C2orf49: variants seen among roughly 807,000 people sequenced by gnomAD.
C2orf49 encodes tRNA splicing ligase complex subunit 2.
Under a neutral mutation model 20.6 loss-of-function variants are expected in C2orf49, and 11 were observed. The ratio of observed to expected loss-of-function variants is 0.53; its 90% CI spans 0.34 to 0.88. C2orf49 has a LOEUF of 0.88. Ranked by LOEUF, C2orf49 falls within the 40% of genes least tolerant of loss-of-function variation. The pLI is 0.02. For missense variants in C2orf49, 289 were observed against 274.2 expected (o/e 1.05, Z -0.38); for synonymous variants, 134 against 108.5 (o/e 1.24, Z -1.46).
At chr2:105,362,568 G>A in the C2orf49 span, among the ~76,000 whole-genome samples, 2 of 152,174 alleles carry the variant, frequency 1.3e-5, no homozygotes, top group African/African-American at 2.4e-5. Flanking sequence ...TGAATGCAAC[G>A]GGATTGCAAA....
the C2orf49 span, among the ~76,000 whole-genome samples, chr2:105,383,695 C>T: frequency 7.4e-4 from 113 of 152,296 alleles, no homozygotes; most frequent in East Asian, 0.019. Flanking sequence ...TCAGGTATCT[C>T]CCCGCCTGCC....
chr2:105,364,416 CTTGGAAGTT>C, the C2orf49 span, among the ~76,000 whole-genome samples: 59 of 152,298 alleles, frequency 3.9e-4, 1 homozygote, highest in African/African-American at 1.3e-3. Flanking sequence ...AGATGGGCAT[CTTGGAAGTT>C]TTGGGAAAAA....
chr2:105,365,149 C>G, the C2orf49 span, among the ~76,000 whole-genome samples: 6 of 152,186 alleles, frequency 3.9e-5, no homozygotes, highest in Non-Finnish European at 8.8e-5. Context: ...GACTCCTTCC[C>G]TCAACACCAC....
At chr2:105,340,595 A>G (rs1198162513) in intron 2 of C2orf49, among the ~76,000 whole-genome samples, 1 of 152,220 alleles carries the variant, frequency 6.6e-6, no homozygotes, top group African/African-American at 2.4e-5. Flanking sequence ...TACACAAATG[A>G]AGGGCCTGTT....
chr2:105,353,503 T>C (rs764243941), downstream of C2orf49, among the ~76,000 whole-genome samples: 1 of 152,172 alleles, frequency 6.6e-6, no homozygotes, highest in Non-Finnish European at 1.5e-5. Context: ...AACTCATGTA[T>C]TTAGTTTTTA....
rs770502026 is a variant in C2orf49, at chr2:105,342,904, C to T, written c.323C>T (p.Ser108Leu). 1 of 1,614,108 alleles carries T rather than the reference C, an allele frequency of 6.2e-7. No homozygotes were observed. Among genetic ancestry groups the T allele is most frequent in the African/African-American group, 1.3e-5 (1 of 75,012 alleles). The change falls in exon 3 of 4, where the codon TCA (serine) becomes TTA (leucine). Residue 108 changes from serine to leucine, a missense_variant. Physicochemically the swap from Ser to Leu is moderately radical, Grantham distance 145. Coordinates refer to ENST00000258457, the MANE Select transcript of C2orf49 (RefSeq NM_024093.3). ...CCCCTCATCGTATTTGATGGAAGTTCAACAAGTACAAGCATAAAAGTGAAA... is the reference window on the plus strand; with the variant it reads ...CCCCTCATCGTATTTGATGGAAGTTTAACAAGTACAAGCATAAAAGTGAAA... The part of the protein sequence containing the change: ...KRPLIVFDGS[S>L]TSTSIKVKKT...
At chr2:105,366,101 T>C in the C2orf49 span, among the ~76,000 whole-genome samples, 1 of 151,034 alleles carries the variant, frequency 6.6e-6, no homozygotes, top group Non-Finnish European at 1.5e-5. Flanking sequence ...CTCAGCTACT[T>C]GGGAGGCTGA....
At chr2:105,368,162 G>T in the C2orf49 span, among the ~76,000 whole-genome samples, 6 of 152,160 alleles carry the variant, frequency 3.9e-5, no homozygotes, top group South Asian at 4.1e-4. Context: ...ACCCCGTCTG[G>T]TTCACAGCAG....
At chr2:105,356,071 CCTCAT>C in the C2orf49 span, among the ~76,000 whole-genome samples, 20 of 152,106 alleles carry the variant, frequency 1.3e-4, no homozygotes, top group East Asian at 3.5e-3. Flanking sequence ...CATAGTGAGA[CCTCAT>C]CTCTACAAAA....
chr2:105,343,125 AGTCCTTCAG>A lies in C2orf49; in HGVS notation c.546_554del (p.Ser184_Pro186del), dbSNP rs1255080339. 1.2e-6 allele frequency: 2 copies of A among 1,614,130 alleles called. No homozygotes were observed. Among genetic ancestry groups the A allele is most frequent in the South Asian group, 2.2e-5 (2 of 91,088 alleles). On this transcript the variant is annotated inframe_deletion, in exon 3 of 4. Transcript: ENST00000258457. Reference sequence around the variant, plus strand: ...GAACCATGACTTAACGCATAGGAAAAGTCCTTCAGGCCCTGTGAAGTCGCCACCATTGTC... The same window carrying A: ...GAACCATGACTTAACGCATAGGAAAAGCCCTGTGAAGTCGCCACCATTGTC...
chr2:105,363,443 C>G, the C2orf49 span: 1 of 1,611,130 alleles, frequency 6.2e-7, no homozygotes, highest in Non-Finnish European at 8.5e-7. Context: ...GGGCTGCTCC[C>G]GGTAAGTGAC....
the C2orf49 span, among the ~76,000 whole-genome samples, chr2:105,372,320 G>A: frequency 1.1e-4 from 16 of 152,132 alleles, no homozygotes; most frequent in Non-Finnish European, 2.1e-4. Flanking sequence ...CCATCTCCTG[G>A]GTTCAGGCCA....
At chr2:105,356,583 A>C in the C2orf49 span, among the ~76,000 whole-genome samples, 1 of 152,302 alleles carries the variant, frequency 6.6e-6, no homozygotes, top group African/African-American at 2.4e-5. Flanking sequence ...TCAAAAAAAT[A>C]AAATAGGAAA....
At chr2:105,363,181 G>A in the C2orf49 span, 1 of 1,064,290 alleles carries the variant, frequency 9.4e-7, no homozygotes, top group Non-Finnish European at 1.4e-6. Context: ...GAGCCTTAGG[G>A]AGGTCTGGGG....
the C2orf49 span, among the ~76,000 whole-genome samples, chr2:105,364,989 T>G: frequency 1.3e-5 from 2 of 152,196 alleles, no homozygotes; most frequent in African/African-American, 4.8e-5. Flanking sequence ...CACGCTTGGT[T>G]GCAACGTATC....
Position 105,343,187 on chromosome 2 carries a change from A to C in C2orf49, c.606A>C (p.Leu202Phe). The change falls in exon 3 of 4, where the codon TTA becomes TTC. Residue 202 changes from leucine (L) to phenylalanine (F), a missense_variant. By Grantham distance (22) the Leu-to-Phe change is conservative (BLOSUM62 0). Coordinates refer to ENST00000258457, the MANE Select transcript of C2orf49 (RefSeq NM_024093.3). ...LSPVGTTPVK[L>F]KRAAPKEEAE... is the part of the protein sequence containing the mutation. ...CTGTTGGAACTACTCCAGTGAAGTT[A>C]AAGAGAGCTGCTCCTAAAGAAGAGG... is the stretch of plus-strand genomic sequence containing the variant. 1.9e-6 allele frequency: 3 copies of C among 1,609,490 alleles called. No homozygotes were observed.
chr2:105,341,999 C>G (rs770334156), intron 2 of C2orf49, among the ~76,000 whole-genome samples: 7 of 152,124 alleles, frequency 4.6e-5, no homozygotes, highest in Non-Finnish European at 1.0e-4. Flanking sequence ...ATGGTGAAAC[C>G]CCGTCTCTAC....
the C2orf49 span, chr2:105,361,342 GC>G: frequency 6.2e-7 from 1 of 1,614,028 alleles, no homozygotes; most frequent in Middle Eastern, 1.7e-4. Context: ...AGGAAGCCAC[GC>G]CCCACCAGTG....
At chr2:105,351,659 G>A (rs1403581210), downstream of C2orf49, among the ~76,000 whole-genome samples, 4 of 149,888 alleles carry the variant, frequency 2.7e-5, no homozygotes, top group African/African-American at 9.7e-5. Context: ...TGTTTTCTTT[G>A]AACACATCCT....
Sources: allele counts gnomAD v4.1 joint callset (sites outside exome capture counted in the v4.1 genomes callset), GRCh38; gene constraint gnomAD v4.1.1; transcripts MANE v1.5; gene names NCBI Gene and HGNC (gene_info 2026-07-23, HGNC 2026-07-21).